The following SLC16A13 variants were observed in gnomAD, a reference collection of about 807,000 sequenced individuals.
The protein encoded by SLC16A13 is monocarboxylate transporter 13.
Under a neutral mutation model 28.1 loss-of-function variants are expected in SLC16A13, and 28 were observed. That is an observed-to-expected ratio of 1.00 (90% CI 0.74 to 1.37). The LOEUF is 1.37. Ranked by LOEUF, SLC16A13 falls within the 40% of genes most tolerant of loss-of-function variation. The pLI, the probability that SLC16A13 is intolerant of heterozygous loss-of-function variation, is 0.00. For synonymous variants in SLC16A13, 228 were observed against 241.6 expected (o/e 0.94, Z 0.52); for missense variants, 482 against 531.8 (o/e 0.91, Z 0.92).
rs1487300699 is a variant in SLC16A13, at chr17:7,036,839, C to G, written c.312C>G (p.Thr104=). ...MLLASFATSL[T]HLYLSIGLLS... is the part of the protein sequence containing the mutation. ...TCGCCTCTTTTGCTACTTCCTTGAC[C>G]CACCTATACCTGAGTATTGGGTTGC... Residue 104 remains threonine, a synonymous_variant, in exon 2 of 4, where the codon ACC becomes ACG. Transcript: ENST00000308027. 4.3e-6 allele frequency: 7 copies of G among 1,613,564 alleles called. No homozygotes were observed. The highest frequency in any genetic ancestry group is 5.9e-6 in the Non-Finnish European group (7 of 1,180,026).
In SLC16A13 at chr17:7,036,441, C is replaced by A. The variant is rs200399927; in HGVS notation, c.59C>A (p.Ala20Glu). ...TGGGGATGGGTGGTGGTGCTCTCAG[C>A]GTTCTTCCAGTCGGCGCTTGTGTTT... ...GGWGWVVVLS[A>E]FFQSALVFGV... Residue 20 changes from alanine (A) to glutamate (E), a missense_variant, in exon 1 of 4, where the codon GCG (alanine) becomes GAG (glutamate). Transcript: ENST00000308027. The A allele has an allele frequency of 3.7e-6, 6 of 1,612,262 alleles. No homozygotes were observed. The highest frequency in any genetic ancestry group is 1.7e-5 in the Admixed American group (1 of 60,032).
Position 7,039,723 on chromosome 17 carries a change from T to G in SLC16A13, c.1082-40T>G. The G allele has an allele frequency of 6.2e-7, 1 of 1,605,764 alleles. No individual in the cohort carries two copies. Among genetic ancestry groups the G allele is most frequent in the Non-Finnish European group, 8.5e-7 (1 of 1,173,074 alleles). ...TATCTGAGCCCTCAGCCCCAGCAAA[T>G]AGATCACTCATGTGTATTCTTTTTC... On this transcript the variant is annotated intron_variant, in intron 3 of 3. Transcript: ENST00000308027. This position sits in a 1 kb window ranked among gnomAD's most constrained non-coding sequence, Gnocchi z 4.3.
Position 7,040,013 on chromosome 17 carries a change from C to G in SLC16A13, c.*51C>G. On this transcript the variant is annotated 3_prime_UTR_variant, in exon 4 of 4. Coordinates refer to ENST00000308027, the MANE Select transcript of SLC16A13 (RefSeq NM_201566.3). ...CCAAAGCTTGACAGCTCCAGGTCTTCTCTTGCCACGTCTTGGTCTCCACAG... is the reference window on the plus strand; with the variant it reads ...CCAAAGCTTGACAGCTCCAGGTCTTGTCTTGCCACGTCTTGGTCTCCACAG... The G allele has an allele frequency of 6.5e-7, 1 of 1,539,248 alleles. No homozygotes were observed. The highest frequency in any genetic ancestry group is 8.9e-7 in the Non-Finnish European group (1 of 1,122,628).
chr17:7,039,317 G>T lies in SLC16A13; in HGVS notation c.1081+428G>T, dbSNP rs1167581008. ...ACCCATTAACTGAAGCTTTAGAAAG[G>T]CCACAGTTGGTGGGCGCCTGTAGTC... On this transcript the variant is annotated intron_variant, in intron 3 of 3. Transcript: ENST00000308027. The surrounding 1 kb of genome is among the most constrained non-coding windows in gnomAD (Gnocchi z 4.3). Among the ~76,000 whole-genome samples, 1 of 152,172 alleles carries T rather than the reference G, an allele frequency of 6.6e-6. No individual in the cohort carries two copies. The highest frequency in any genetic ancestry group is 2.4e-5 in the African/African-American group (1 of 41,430).
In SLC16A13 at chr17:7,036,751, C is replaced by A. The variant is rs995000757; in HGVS notation, c.224C>A (p.Thr75Lys). 3 of 1,613,232 alleles carry A rather than the reference C, an allele frequency of 1.9e-6. No homozygotes were observed. The highest frequency in any genetic ancestry group is 2.5e-6 in the Non-Finnish European group (3 of 1,180,030). The change falls in exon 2 of 4, where the codon ACG becomes AAG. Residue 75 changes from threonine (T) to lysine (K), a missense_variant. Coordinates refer to ENST00000308027, the MANE Select transcript of SLC16A13 (RefSeq NM_201566.3). ...FGSPVGSALS[T>K]KFGPRPVVMT... is the part of the protein sequence containing the mutation. ...GGCCCGGTAGGCAGTGCCCTGAGCA[C>A]GAAGTTCGGGCCCAGGCCCGTGGTG...
chr17:7,039,626 TAA>T lies in SLC16A13; in HGVS notation c.1082-136_1082-135del. ...GGCCCTTTTGGGAAACCAGAGTTCTTAAGTTTATCCAACTATTCCATGGGAGT... is the reference window on the plus strand; with the variant it reads ...GGCCCTTTTGGGAAACCAGAGTTCTTGTTTATCCAACTATTCCATGGGAGT... On this transcript the variant is annotated intron_variant, in intron 3 of 3. Transcript: ENST00000308027. This position sits in a 1 kb window ranked among gnomAD's most constrained non-coding sequence, Gnocchi z 4.3. The T allele has an allele frequency of 1.1e-6, 1 of 906,620 alleles. No individual in the cohort carries two copies. Among genetic ancestry groups the T allele is most frequent in the South Asian group, 1.7e-5 (1 of 57,744 alleles). 56.2% of individuals were successfully genotyped at this position (906,620 alleles called of 1,614,324 possible).
At chr17:7,037,775 G>A (rs572438534) in intron 2 of SLC16A13, among the ~76,000 whole-genome samples, 4 of 151,834 alleles carry the variant, frequency 2.6e-5, no homozygotes, top group Middle Eastern at 3.4e-3. Flanking sequence ...CTGTGAAATC[G>A]ATATCATTAT....
rs911305615 is a variant in SLC16A13 at position 7,038,055 on chromosome 17, G to A, written c.344-97G>A. 2.2e-5 allele frequency: 32 copies of A among 1,424,100 alleles called. No homozygotes were observed. The highest frequency in any genetic ancestry group is 6.3e-5 in the Admixed American group (3 of 47,628). The allele number at this position is 1,424,100 out of a possible 1,614,324, so 88.2% of individuals were successfully genotyped here. A position where few individuals can be genotyped will look rare whatever the true frequency, so the allele number is the denominator to read the frequency against. On this transcript the variant is annotated intron_variant, in intron 2 of 3. Transcript: ENST00000308027. The surrounding 1 kb of genome is among the most constrained non-coding windows in gnomAD (Gnocchi z 5.7). ...TTGTATCCCAGGTCTGTGGGACTCC[G>A]AAGCAAGTGCTACATTCTGCTGCTG...
Position 7,036,279 on chromosome 17 carries a change from C to T in SLC16A13, c.-104C>T, listed in dbSNP as rs1951763866. 1.2e-5 allele frequency: 15 copies of T among 1,233,288 alleles called. No individual in the cohort carries two copies. Among genetic ancestry groups the T allele is most frequent in the Non-Finnish European group, 1.7e-5 (15 of 886,094 alleles). The allele number at this position is 1,233,288 out of a possible 1,614,324, so 76.4% of individuals were successfully genotyped here. On this transcript the variant is annotated 5_prime_UTR_variant, in exon 1 of 4. Coordinates refer to ENST00000308027, the MANE Select transcript of SLC16A13 (RefSeq NM_201566.3). ...CTCTACCTGCCTCTCCAACCCCTCT[C>T]GGCCCCGAGCCACCCGGCAGCGGGG...
At position 7,038,822 on chromosome 17, in the gene SLC16A13, T is replaced by A; in HGVS notation, c.1014T>A (p.Ile338=). 6.2e-7 allele frequency: 1 copy of A among 1,613,908 alleles called. No homozygotes were observed. The highest frequency in any genetic ancestry group is 8.5e-7 in the Non-Finnish European group (1 of 1,179,898). ...VLPELIGTRR[I]YCGLGLLQMI... is the part of the protein sequence containing the mutation. ...CTGAACTAATAGGGACTAGAAGGAT[T>A]TACTGTGGCCTGGGACTGTTGCAGA... The change falls in exon 3 of 4, where the codon ATT becomes ATA. Residue 338 remains isoleucine, a synonymous_variant. Transcript: ENST00000308027. This position sits in a 1 kb window ranked among gnomAD's most constrained non-coding sequence, Gnocchi z 5.7.
Position 7,040,008 on chromosome 17 carries a change from G to A in SLC16A13, c.*46G>A, listed in dbSNP as rs780224590. On this transcript the variant is annotated 3_prime_UTR_variant, in exon 4 of 4. Transcript: ENST00000308027. ...GAAAGCCAAAGCTTGACAGCTCCAG[G>A]TCTTCTCTTGCCACGTCTTGGTCTC... The A allele has an allele frequency of 1.3e-6, 2 of 1,558,056 alleles. No individual in the cohort carries two copies. Among genetic ancestry groups the A allele is most frequent in the African/African-American group, 2.7e-5 (2 of 73,724 alleles).
chr17:7,038,376 C>G lies in SLC16A13; in HGVS notation c.568C>G (p.Arg190Gly). 2 of 1,614,100 alleles carry G rather than the reference C, an allele frequency of 1.2e-6. No homozygotes were observed. Among genetic ancestry groups the G allele is most frequent in the Non-Finnish European group, 1.7e-6 (2 of 1,180,020 alleles). Residue 190 changes from arginine to glycine, a missense_variant, in exon 3 of 4, where the codon CGC (arginine) becomes GGC (glycine). Transcript: ENST00000308027. This position sits in a 1 kb window ranked among gnomAD's most constrained non-coding sequence, Gnocchi z 5.7. ...LHLVACGALL[R>G]PPSLAEDPAV... ...CCTAGTGGCCTGTGGTGCTCTCCTC[C>G]GCCCACCCTCCCTGGCTGAGGACCC...
In SLC16A13 at chr17:7,036,968, G is replaced by C. The variant is rs1016865294; in HGVS notation, c.343+98G>C. The stretch of plus-strand genomic sequence containing the variant: ...CAAAGGGTTCGGGGAGAAGCTGAGG[G>C]AAAGTTTAGCTAGCACCTGTACCCA... On this transcript the variant is annotated intron_variant, in intron 2 of 3. Coordinates refer to ENST00000308027, the MANE Select transcript of SLC16A13 (RefSeq NM_201566.3). 1.3e-5 allele frequency: 19 copies of C among 1,456,268 alleles called. No individual in the cohort carries two copies. The African/African-American group carries it at 2.5e-4, about 19-fold the overall frequency. 90.2% of individuals were successfully genotyped at this position (1,456,268 alleles called of 1,614,324 possible). A position where few individuals can be genotyped will look rare whatever the true frequency, so the allele number is the denominator to read the frequency against.
rs746015528 is a variant in SLC16A13, at chr17:7,036,371, G to A, written c.-12G>A. 20 of 1,602,394 alleles carry A rather than the reference G, an allele frequency of 1.2e-5. No homozygotes were observed. The highest frequency in any genetic ancestry group is 1.6e-5 in the Non-Finnish European group (19 of 1,174,570). On this transcript the variant is annotated 5_prime_UTR_variant, in exon 1 of 4. Transcript: ENST00000308027. Reference sequence around the variant, plus strand: ...AGAGGCTCTGGGTGGCAGCAGCCCTGTTACCGCTTAGATGGCGCGCAGGAC... The same window carrying A: ...AGAGGCTCTGGGTGGCAGCAGCCCTATTACCGCTTAGATGGCGCGCAGGAC...
Position 7,038,746 on chromosome 17 carries a change from C to T in SLC16A13, c.938C>T (p.Ala313Val). The change falls in exon 3 of 4, where the codon GCC becomes GTC. Residue 313 changes from alanine to valine, a missense_variant. Transcript: ENST00000308027. The surrounding 1 kb of genome is among the most constrained non-coding windows in gnomAD (Gnocchi z 5.7). The stretch of plus-strand genomic sequence containing the variant: ...ACAGCCCTGGTGGCTCTGGCTGTGG[C>T]CTACGGCTTCACATCAGGGGCTCTG... ...APTALVALAV[A>V]YGFTSGALAP... The T allele has an allele frequency of 6.2e-7, 1 of 1,614,182 alleles. No homozygotes were observed. Among genetic ancestry groups the T allele is most frequent in the East Asian group, 2.2e-5 (1 of 44,884 alleles).
Position 7,039,859 on chromosome 17 carries a change from ACTT to A in SLC16A13, c.1184_1186del (p.Phe395del), listed in dbSNP as rs752626452. ...AGTGGCATTCTCCTCACCCTGCCCC[ACTT>A]CTTCTGCTTCTCAACTACTACCTCC... On this transcript the variant is annotated inframe_deletion, in exon 4 of 4. Transcript: ENST00000308027. The surrounding 1 kb of genome is among the most constrained non-coding windows in gnomAD (Gnocchi z 4.3). 14 of 1,613,590 alleles carry A rather than the reference ACTT, an allele frequency of 8.7e-6. No homozygotes were observed. Among genetic ancestry groups the A allele is most frequent in the Admixed American group, 5.0e-5 (3 of 59,960 alleles).
rs140636283 is a variant in SLC16A13 at position 7,039,887 on chromosome 17, C to T, written c.1206C>T (p.Ser402=). ...TCTTCTGCTTCTCAACTACTACCTCCGGGCCCCAGGACCTTGTAACAGAAG... is the reference window on the plus strand; with the variant it reads ...TCTTCTGCTTCTCAACTACTACCTCTGGGCCCCAGGACCTTGTAACAGAAG... ...PHFFCFSTTT[S]GPQDLVTEAL... is the part of the protein sequence containing the mutation. The change falls in exon 4 of 4, where the codon TCC becomes TCT. Residue 402 remains serine, a synonymous_variant. Transcript: ENST00000308027. This position sits in a 1 kb window ranked among gnomAD's most constrained non-coding sequence, Gnocchi z 4.3. The T allele has an allele frequency of 1.4e-4, 222 of 1,614,056 alleles. No homozygotes were observed. The highest frequency in any genetic ancestry group is 1.7e-4 in the Non-Finnish European group (196 of 1,180,050).
Position 7,039,251 on chromosome 17 carries a change from T to G in SLC16A13, c.1081+362T>G, listed in dbSNP as rs1004399634. Among the ~76,000 whole-genome samples, 1 of 152,184 alleles carries G rather than the reference T, an allele frequency of 6.6e-6. No homozygotes were observed. Among genetic ancestry groups the G allele is most frequent in the Non-Finnish European group, 1.5e-5 (1 of 68,018 alleles). ...CTGAGGCACCTGGTCAAAGTTCTGC[T>G]GGCTCAGGGTGCCAGAACTTTCAGA... On this transcript the variant is annotated intron_variant, in intron 3 of 3. Transcript: ENST00000308027. The surrounding 1 kb of genome is among the most constrained non-coding windows in gnomAD (Gnocchi z 4.3).
At position 7,039,768 on chromosome 17, in the gene SLC16A13, C is replaced by G. The variant is rs1281338458; in HGVS notation, c.1087C>G (p.Leu363Val). ...GLLGPPLSGY[L>V]RDVTGNYTAS... The stretch of plus-strand genomic sequence containing the variant: ...TTTTTCTCTCTTGGACCTAGGCTAC[C>G]TCCGGGATGTGACAGGCAACTACAC... The change falls in exon 4 of 4, where the codon CTC becomes GTC. Residue 363 changes from leucine to valine, a missense_variant. Leu to Val is a conservative substitution (Grantham distance 32). Coordinates refer to ENST00000308027, the MANE Select transcript of SLC16A13 (RefSeq NM_201566.3). This position sits in a 1 kb window ranked among gnomAD's most constrained non-coding sequence, Gnocchi z 4.3. 1 of 1,614,162 alleles carries G rather than the reference C, an allele frequency of 6.2e-7. No homozygotes were observed. The highest frequency in any genetic ancestry group is 8.5e-7 in the Non-Finnish European group (1 of 1,180,028).
Sources: allele counts gnomAD v4.1 joint callset (sites outside exome capture counted in the v4.1 genomes callset), GRCh38; gene constraint gnomAD v4.1.1; non-coding constraint Gnocchi (gnomAD v3.1); transcripts MANE v1.5; gene names NCBI Gene and HGNC (gene_info 2026-07-23, HGNC 2026-07-21).